The following HK1 variants were observed in gnomAD, a reference collection of about 807,000 sequenced individuals.
HK1 encodes the protein hexokinase-1.
Under a neutral mutation model 91.6 loss-of-function variants are expected in HK1, and 28 were observed. The observed-to-expected ratio is 0.31, with a 90% CI of 0.23 to 0.42. The LOEUF (loss-of-function observed/expected upper bound fraction) is 0.42, where lower values mean the gene tolerates loss of function less well. Among genes scored for constraint, HK1 ranks in the 10% least tolerant of loss-of-function variants. The pLI is 1.00. For missense variants in HK1, 770 were observed against 1,219.8 expected, an observed-to-expected ratio of 0.63 and a Z score of 5.49; for synonymous variants, 430 against 468.1, an observed-to-expected ratio of 0.92 and a Z score of 1.05.
chr10:69,318,804 C>T (rs1240860736), upstream of HK1: 17 of 1,391,330 alleles, frequency 1.2e-5, no homozygotes, highest in African/African-American at 1.5e-5. Context: ...CGCGAGCTGT[C>T]GCCGCGCCCC....
intron 4 of HK1, chr10:69,296,055 G>T: frequency 3.6e-6 from 1 of 277,322 alleles, no homozygotes; most frequent in South Asian, 5.5e-5. Context: ...TTTACAGTCA[G>T]GCATGCCAGA....
At chr10:69,306,168 A>AAG (rs1257161492) in intron 5 of HK1, among the ~76,000 whole-genome samples, 2 of 151,892 alleles carry the variant, frequency 1.3e-5, no homozygotes, top group African/African-American at 4.8e-5. Flanking sequence ...TATCCTGGCT[A>AAG]ACAGTGAAAC....
intron 2 of HK1, among the ~76,000 whole-genome samples, chr10:69,347,586 C>T (rs182945808): frequency 1.6e-3 from 241 of 152,032 alleles, no homozygotes; most frequent in African/African-American, 5.4e-3. Context: ...CAAGTGCGCA[C>T]CACCACGCTG....
chr10:69,271,954 C>G (rs7095547), intron 1 of HK1, among the ~76,000 whole-genome samples: 17 of 152,014 alleles, frequency 1.1e-4, no homozygotes, highest in South Asian at 4.2e-4. Context: ...ACCTCCACCC[C>G]CTGGGTTCAG....
chr10:69,319,885 A>G (rs1443280344), intron 1 of HK1, among the ~76,000 whole-genome samples: 1 of 152,158 alleles, frequency 6.6e-6, no homozygotes, highest in Non-Finnish European at 1.5e-5. Flanking sequence ...GCTGTAGGGA[A>G]AGACGCCCGT....
chr10:69,307,739 G>T (rs566325095), intron 5 of HK1, among the ~76,000 whole-genome samples: 1 of 152,196 alleles, frequency 6.6e-6, no homozygotes, highest in African/African-American at 2.4e-5. Context: ...GAACAATGGT[G>T]TATAGTAAGT....
chr10:69,315,798 G>A (rs71478892), upstream of HK1: 588 of 742,476 alleles, frequency 7.9e-4, 8 homozygotes, highest in East Asian at 0.015. Flanking sequence ...GGTTGCATGA[G>A]GGGTTGGGGG....
intron 7 of HK1, among the ~76,000 whole-genome samples, chr10:69,373,885 C>T (rs965570497): frequency 2.0e-5 from 3 of 152,176 alleles, no homozygotes; most frequent in Admixed American, 1.3e-4. Context: ...CTACTGCACC[C>T]GGCCTGCTTG....
At chr10:69,286,891 C>G (rs377557654) in intron 2 of HK1, among the ~76,000 whole-genome samples, 1 of 152,176 alleles carries the variant, frequency 6.6e-6, no homozygotes, top group South Asian at 2.1e-4. Context: ...CCATCAGTGC[C>G]TCTGTCGAGG....
intron 4 of HK1, among the ~76,000 whole-genome samples, chr10:69,299,514 G>A (rs1845743269): frequency 6.7e-6 from 1 of 148,928 alleles, no homozygotes; most frequent in Non-Finnish European, 1.5e-5. Flanking sequence ...TTACAGGCGT[G>A]CGCCACCAGG....
chr10:69,285,230 C>T (rs1234169799), intron 2 of HK1, among the ~76,000 whole-genome samples: 3 of 151,918 alleles, frequency 2.0e-5, no homozygotes, highest in East Asian at 2.0e-4. Flanking sequence ...GTCAGGAGAT[C>T]GAGACCATCC....
chr10:69,300,367 T>C (rs887130134), intron 4 of HK1: 5 of 499,692 alleles, frequency 1.0e-5, no homozygotes, highest in East Asian at 4.0e-5. Flanking sequence ...GTTATTCCTA[T>C]GTAATTTTGT....
intron 4 of HK1, among the ~76,000 whole-genome samples, chr10:69,297,721 C>G (rs1312832026): frequency 6.7e-6 from 1 of 148,522 alleles, no homozygotes; most frequent in African/African-American, 2.6e-5. Flanking sequence ...ACGGTAAAAC[C>G]CCATCTCTAC....
At chr10:69,396,010 G>T (rs1224935053) in intron 16 of HK1, among the ~76,000 whole-genome samples, 1 of 152,106 alleles carries the variant, frequency 6.6e-6, no homozygotes, top group Non-Finnish European at 1.5e-5. Context: ...GGTGGCTCAT[G>T]CCTGTAATCT....
intron 3 of HK1, among the ~76,000 whole-genome samples, 200 bp downstream of exon 3, chr10:69,360,245 C>T (rs1311951907): frequency 6.6e-6 from 1 of 152,230 alleles, no homozygotes; most frequent in Non-Finnish European, 1.5e-5. Flanking sequence ...AACAGAGGCT[C>T]TCCGTCTGGG....
At chr10:69,352,078 C>T (rs973093607) in intron 2 of HK1, among the ~76,000 whole-genome samples, 8 of 151,730 alleles carry the variant, frequency 5.3e-5, no homozygotes, top group South Asian at 2.1e-4. Flanking sequence ...CTACAACCTC[C>T]GCCTCCTGGG....
chr10:69,354,577 G>C (rs1356700846), intron 2 of HK1, among the ~76,000 whole-genome samples: 1 of 152,188 alleles, frequency 6.6e-6, no homozygotes, highest in African/African-American at 2.4e-5. Context: ...TTCTTGATAT[G>C]TGGGCATTGT....
At chr10:69,333,224 G>A (rs1301463222) in intron 1 of HK1, among the ~76,000 whole-genome samples, 1 of 152,254 alleles carries the variant, frequency 6.6e-6, no homozygotes, top group African/African-American at 2.4e-5. Context: ...GCTCAGTCCA[G>A]TCCCACCACT....
At position 69,348,387 on chromosome 10, in the gene HK1, A is replaced by G. The variant is rs79647913; in HGVS notation, c.226+4398A>G. ...ATTTGGGTGGTCTCAGTTTTCTTATATGGAAGGATAGTTGGGTTATCTCAA... is the reference window on the plus strand; with the variant it reads ...ATTTGGGTGGTCTCAGTTTTCTTATGTGGAAGGATAGTTGGGTTATCTCAA... On this transcript the variant is annotated intron_variant, in intron 2 of 17. Coordinates refer to ENST00000359426, the MANE Select transcript of HK1 (RefSeq NM_000188.3). 5.9e-3 allele frequency among the ~76,000 whole-genome samples: 903 copies of G among 152,322 alleles called. 8 individuals are homozygous for G. Among genetic ancestry groups the G allele is most frequent in the African/African-American group, 0.021 (871 of 41,568 alleles).
Sources: gnomAD v4.1 joint callset for allele counts (sites outside exome capture counted in the v4.1 genomes callset) on GRCh38, gnomAD v4.1.1 for gene constraint, MANE v1.5 for transcripts, NCBI Gene and HGNC (gene_info 2026-07-23, HGNC 2026-07-21) for gene names.